The following IQUB variants were observed in gnomAD, a reference collection of about 807,000 sequenced individuals.
IQUB encodes IQ motif and ubiquitin-like domain-containing protein.
In IQUB, 86 loss-of-function variants were observed where a neutral mutation model predicts 86.4. The observed-to-expected ratio is 1.00, with a 90% CI of 0.84 to 1.19. The LOEUF (loss-of-function observed/expected upper bound fraction) is 1.19, where lower values mean the gene tolerates loss of function less well. Among genes scored for constraint, IQUB ranks in the 50% most tolerant of loss-of-function variants. The pLI is 0.00. For missense variants in IQUB, 946 were observed against 916.9 expected, an observed-to-expected ratio of 1.03 and a Z score of -0.41; for synonymous variants, 289 against 304.5, an observed-to-expected ratio of 0.95 and a Z score of 0.53.
chr7:123,515,049 C>G (rs1259263569), intron 1 of IQUB, among the ~76,000 whole-genome samples: 1 of 151,944 alleles, frequency 6.6e-6, no homozygotes, highest in Non-Finnish European at 1.5e-5. Context: ...CTGAACAAAG[C>G]TCAATTTTAA....
intron 1 of IQUB, among the ~76,000 whole-genome samples, chr7:123,530,062 A>G (rs775187837): frequency 1.3e-5 from 2 of 151,840 alleles, no homozygotes; most frequent in Non-Finnish European, 2.9e-5. Flanking sequence ...TACAAAAATC[A>G]GCTGGGAGTG....
intron 7 of IQUB, among the ~76,000 whole-genome samples, chr7:123,489,713 CA>C (rs1321825436): frequency 6.9e-6 from 1 of 145,386 alleles, no homozygotes; most frequent in African/African-American, 2.5e-5. Flanking sequence ...CCAAAAGCAG[CA>C]AAAAAAAACA....
intron 6 of IQUB, among the ~76,000 whole-genome samples, chr7:123,497,210 T>C (rs905633163): frequency 3.3e-5 from 5 of 152,166 alleles, no homozygotes; most frequent in African/African-American, 7.2e-5. Context: ...AGTTGTTTGA[T>C]TGGATAAGTT....
At chr7:123,453,575 T>C (rs1584536146) in intron 12 of IQUB, among the ~76,000 whole-genome samples, 2 of 152,010 alleles carry the variant, frequency 1.3e-5, no homozygotes, top group South Asian at 4.2e-4. Context: ...CTAGCTATCC[T>C]ATCACTAAGA....
rs530679236 is a variant in IQUB at position 123,503,347 on chromosome 7, A to G, written c.549T>C (p.Asn183=). The part of the protein sequence containing the change: ...QIRYSGKILK[N]NETLVQHGVK... The stretch of plus-strand genomic sequence containing the variant: ...CTCCATGTTGTACTAGAGTCTCATT[A>G]TTTTTAAGAATTTTTCCTAAAAATT... Residue 183 remains asparagine (N), a synonymous_variant, in exon 4 of 13, where the codon AAT becomes AAC. Coordinates refer to ENST00000324698, the MANE Select transcript of IQUB (RefSeq NM_178827.5). The G allele has an allele frequency of 1.3e-6, 2 of 1,503,500 alleles. No homozygotes were observed. The highest frequency in any genetic ancestry group is 2.3e-5 in the Admixed American group (1 of 43,278). 93.1% of individuals were successfully genotyped at this position (1,503,500 alleles called of 1,614,324 possible). A position where few individuals can be genotyped will look rare whatever the true frequency, so the allele number is the denominator to read the frequency against.
At chr7:123,532,787 A>T (rs1584672676) in intron 1 of IQUB, 3 of 151,746 alleles carry the variant, frequency 2.0e-5, no homozygotes, top group African/African-American at 7.2e-5. Context: ...AAGACACCTA[A>T]CCTCCTCCTT....
chr7:123,487,904 T>G (rs1795275790), intron 7 of IQUB, among the ~76,000 whole-genome samples: 1 of 152,216 alleles, frequency 6.6e-6, no homozygotes, highest in South Asian at 2.1e-4. Context: ...ACAGGCCTTT[T>G]TAGGTGATTT....
At chr7:123,467,002 AC>A (rs1211132644) in intron 9 of IQUB, among the ~76,000 whole-genome samples, 1 of 152,052 alleles carries the variant, frequency 6.6e-6, no homozygotes, top group Non-Finnish European at 1.5e-5. Context: ...TGTCTTATTA[AC>A]TTGAGAACTC....
intron 10 of IQUB, among the ~76,000 whole-genome samples, chr7:123,461,967 T>C (rs1046823489): frequency 6.6e-6 from 1 of 151,866 alleles, no homozygotes; most frequent in African/African-American, 2.4e-5. Flanking sequence ...TAGTTATTTC[T>C]ATAGCTAGAT....
At chr7:123,514,756 C>T (rs923650887) in intron 1 of IQUB, among the ~76,000 whole-genome samples, 3 of 152,142 alleles carry the variant, frequency 2.0e-5, no homozygotes, top group African/African-American at 7.2e-5. Flanking sequence ...TCCCATGCTC[C>T]CTTTCTTTCA....
intron 7 of IQUB, among the ~76,000 whole-genome samples, chr7:123,491,364 T>C (rs777013986): frequency 2.1e-4 from 32 of 151,086 alleles, no homozygotes; most frequent in Non-Finnish European, 4.1e-4. Flanking sequence ...TAAATAACAA[T>C]AGAAATTAAC....
intron 8 of IQUB, among the ~76,000 whole-genome samples, chr7:123,478,249 TAAAAAA>T (rs1309909887): frequency 0.032 from 4,875 of 152,194 alleles, 249 homozygotes; most frequent in African/African-American, 0.11. Context: ...TATGCAGCCA[TAAAAAA>T]GGATGAGTTC....
intron 1 of IQUB, among the ~76,000 whole-genome samples, chr7:123,534,107 T>TA (rs1797655628): frequency 6.6e-6 from 1 of 152,126 alleles, no homozygotes; most frequent in South Asian, 2.1e-4. Context: ...GAGGAAAGTC[T>TA]AAAATCTCTC....
rs1470826416 is a variant in IQUB at position 123,452,610 on chromosome 7, C to T, written c.*133G>A. The stretch of plus-strand genomic sequence containing the variant: ...ATAGAAATGTTTTCTCTTTATATAA[C>T]TCAAAATACTATGAAAAACAAAAAA... On this transcript the variant is annotated 3_prime_UTR_variant, in exon 13 of 13. Transcript: ENST00000324698. The T allele has an allele frequency of 1.4e-5, 7 of 500,684 alleles. No homozygotes were observed. The highest frequency in any genetic ancestry group is 1.0e-5 in the Non-Finnish European group (3 of 300,172). 31.0% of individuals were successfully genotyped at this position (500,684 alleles called of 1,614,324 possible). A position where few individuals can be genotyped will look rare whatever the true frequency, so the allele number is the denominator to read the frequency against.
In IQUB at chr7:123,511,957, A is replaced by G. The variant is rs1336387967; in HGVS notation, c.384T>C (p.Asp128=). The G allele has an allele frequency of 6.2e-7, 1 of 1,602,940 alleles. No homozygotes were observed. The highest frequency in any genetic ancestry group is 1.7e-5 in the Admixed American group (1 of 59,624). ...CTTAGGTAGTACCTGTTGCTAGAGA[A>G]TCTTCCACTGATTCTTGCAAAGATT... ...VKESLQESVE[D]SLATVKVVLI... The change falls in exon 2 of 13, where the codon GAT becomes GAC. Residue 128 remains aspartate (D), a synonymous_variant. Transcript: ENST00000324698.
At chr7:123,502,817 A>T (rs1010948458) in intron 5 of IQUB, 65 bp from the exon 6 acceptor site, 2 of 1,393,090 alleles carry the variant, frequency 1.4e-6, no homozygotes, top group African/African-American at 2.9e-5. Flanking sequence ...GAGTTTTTCT[A>T]CATATGTGAG....
intron 7 of IQUB, among the ~76,000 whole-genome samples, chr7:123,489,927 G>A (rs1310317990): frequency 1.3e-5 from 2 of 149,626 alleles, no homozygotes; most frequent in Non-Finnish European, 3.0e-5. Context: ...ATAAATGAAG[G>A]GAAATTTAAA....
rs1793979221 is a variant in IQUB at position 123,461,447 on chromosome 7, T to C, written c.1917A>G (p.Glu639=). The part of the protein sequence containing the change: ...INLQNEAQKR[E]SFLKYKCLLQ... ...GTAAACATTTGTACTTCAAAAATGATTCTCGTTTTTGAGCCTCATTCTGAA... is the reference window on the plus strand; with the variant it reads ...GTAAACATTTGTACTTCAAAAATGACTCTCGTTTTTGAGCCTCATTCTGAA... Residue 639 remains glutamate (E), a synonymous_variant, in exon 11 of 13, where the codon GAA becomes GAG. Coordinates refer to ENST00000324698, the MANE Select transcript of IQUB (RefSeq NM_178827.5). The C allele has an allele frequency of 6.2e-7, 1 of 1,612,096 alleles. No homozygotes were observed.
At chr7:123,486,528 T>C (rs1055848566) in intron 7 of IQUB, among the ~76,000 whole-genome samples, 24 of 152,220 alleles carry the variant, frequency 1.6e-4, no homozygotes, top group Admixed American at 1.6e-3. Context: ...AGCTGGTTTG[T>C]AGCATAATTA....
Sources: gnomAD v4.1 joint callset for allele counts (sites outside exome capture counted in the v4.1 genomes callset) on GRCh38, gnomAD v4.1.1 for gene constraint, MANE v1.5 for transcripts, NCBI Gene and HGNC (gene_info 2026-07-23, HGNC 2026-07-21) for gene names.